Variants in CLIP1 observed in about 807,000 individuals in gnomAD.
The protein encoded by CLIP1 is CAP-Gly domain-containing linker protein 1.
In CLIP1, 66 loss-of-function variants were observed where a neutral mutation model predicts 161.6. The ratio of observed to expected loss-of-function variants is 0.41; its 90% CI spans 0.33 to 0.50. The LOEUF (loss-of-function observed/expected upper bound fraction) is 0.50. CLIP1 is among the 20% of genes least tolerant of loss of function. The probability of loss-of-function intolerance (pLI) is 0.27; values close to 1 mark genes in which losing one functional copy is unlikely to be tolerated. For missense variants in CLIP1, 1,376 were observed against 1,702.0 expected (o/e 0.81, Z 3.37); for synonymous variants, 598 against 626.2 (o/e 0.96, Z 0.67).
chr12:122,340,276 C>T (rs2136332672), intron 11 of CLIP1, among the ~76,000 whole-genome samples: 1 of 152,220 alleles, frequency 6.6e-6, no homozygotes, highest in South Asian at 2.1e-4. Flanking sequence ...GATGGGGTTT[C>T]ACTATGTTGG....
chr12:122,286,595 C>T (rs779422746), intron 21 of CLIP1, among the ~76,000 whole-genome samples: 4 of 147,370 alleles, frequency 2.7e-5, no homozygotes, highest in Non-Finnish European at 5.9e-5. Context: ...GTGAAACACA[C>T]GCGCATTCTG....
In CLIP1 at chr12:122,377,862, C is replaced by T. The variant is rs1954818721; in HGVS notation, c.184G>A (p.Glu62Lys). 6.2e-7 allele frequency: 1 copy of T among 1,613,842 alleles called. No individual in the cohort carries two copies. The highest frequency in any genetic ancestry group is 8.5e-7 in the Non-Finnish European group (1 of 1,180,006). The change falls in exon 3 of 26, where the codon GAG becomes AAG. Residue 62 changes from glutamate to lysine, a missense_variant. This residue lies in a region of CLIP1 where 27 missense variants were observed against 64.1 expected (regional missense o/e 0.42). Transcript: ENST00000620786. The part of the protein sequence containing the change: ...EEFVDDFRVG[E>K]RVWVNGNKPG... ...TTATTTCCATTCACCCAAACTCGCT[C>T]CCCAACTCGAAAGTCATCCACAAAT...
intron 1 of CLIP1, among the ~76,000 whole-genome samples, chr12:122,408,995 G>C (rs1466870796): frequency 2.0e-5 from 3 of 151,890 alleles, no homozygotes; most frequent in African/African-American, 7.2e-5. Flanking sequence ...TATTTTTGTA[G>C]AGACAGGGTT....
chr12:122,362,511 T>C (rs1953899680), intron 4 of CLIP1, among the ~76,000 whole-genome samples: 1 of 150,226 alleles, frequency 6.7e-6, no homozygotes, highest in Admixed American at 6.6e-5. Flanking sequence ...CGTGGTGGTG[T>C]GTGTCTGTAA....
chr12:122,325,140 C>A (rs1283068405), intron 17 of CLIP1, among the ~76,000 whole-genome samples: 1 of 151,472 alleles, frequency 6.6e-6, no homozygotes, highest in Non-Finnish European at 1.5e-5. Flanking sequence ...CTCACTGCAA[C>A]CTCCGCCTCT....
At chr12:122,328,467 GAAT>G in intron 15 of CLIP1, 41 bp from the exon 16 acceptor site, 1 of 1,291,696 alleles carries the variant, frequency 7.7e-7, no homozygotes. Flanking sequence ...TTTTTCATAA[GAAT>G]GTTTTAAATT....
Position 122,319,256 on chromosome 12 carries a change from T to C in CLIP1, c.3342A>G (p.Gln1114=). 4 of 1,612,972 alleles carry C rather than the reference T, an allele frequency of 2.5e-6. No homozygotes were observed. The highest frequency in any genetic ancestry group is 3.4e-6 in the Non-Finnish European group (4 of 1,178,852). Residue 1114 remains glutamine, a synonymous_variant, in exon 18 of 26, where the codon CAA becomes CAG. Coordinates refer to ENST00000620786, the MANE Select transcript of CLIP1 (RefSeq NM_001247997.2). ...ETLASLEDTK[Q]TNAKLQNELD... ...CTTCATTCTGTAGTTTTGCATTTGT[T>C]TGCTTGGTGTCCTCCAAGGAGGCCA...
intron 10 of CLIP1, among the ~76,000 whole-genome samples, chr12:122,344,879 G>C (rs1257424213): frequency 6.6e-6 from 1 of 152,092 alleles, no homozygotes; most frequent in Admixed American, 6.6e-5. Context: ...CTTAACACTT[G>C]GGAACCCAAG....
Position 122,384,426 on chromosome 12 carries a change from C to T in CLIP1, c.-106-3868G>A, listed in dbSNP as rs115413838. On this transcript the variant is annotated intron_variant, in intron 1 of 25. Transcript: ENST00000620786. ...GTCCAATCAGGAATAAAGAGAATGA[C>T]GATCTACAAGGTTAAGTGACCTTTC... Among the ~76,000 whole-genome samples the T allele has an allele frequency of 9.0e-4, 137 of 152,132 alleles. 1 individual carries two copies. Among genetic ancestry groups the T allele is most frequent in the Middle Eastern group, 3.4e-3 (1 of 294 alleles).
In CLIP1 at chr12:122,355,466, C is replaced by A; in HGVS notation, c.1006-154G>T. 1.6e-6 allele frequency: 1 copy of A among 628,304 alleles called. No individual in the cohort carries two copies. Among genetic ancestry groups the A allele is most frequent in the Non-Finnish European group, 2.8e-6 (1 of 354,128 alleles). The allele number at this position is 628,304 out of a possible 1,614,324, so 38.9% of individuals were successfully genotyped here. A position where few individuals can be genotyped will look rare whatever the true frequency, so the allele number is the denominator to read the frequency against. ...ATTAGGAAAGGCTTCCTCAAAAACA[C>A]AAGACAGTGTGTGCCTTCTGTCTAT... On this transcript the variant is annotated intron_variant, in intron 5 of 25. Transcript: ENST00000620786. The surrounding 1 kb of genome is among the most constrained non-coding windows in gnomAD (Gnocchi z 4.1).
chr12:122,380,567 A>C lies in CLIP1; in HGVS notation c.-106-9T>G, dbSNP rs1954970985. On this transcript the variant is annotated splice_polypyrimidine_tract_variant and intron_variant, in intron 1 of 25. Transcript: ENST00000620786. ...CAGTCTCTGGATTAAATCTGCAAAG[A>C]GAAAGAAATAAAAAGATTTTATAAT... The C allele has an allele frequency of 1.8e-6, 1 of 561,634 alleles. No homozygotes were observed. Among genetic ancestry groups the C allele is most frequent in the Non-Finnish European group, 3.1e-6 (1 of 321,600 alleles). The allele number at this position is 561,634 out of a possible 1,614,324, so 34.8% of individuals were successfully genotyped here.
At chr12:122,305,404 C>G (rs1950827365) in intron 20 of CLIP1, among the ~76,000 whole-genome samples, 2 of 152,114 alleles carry the variant, frequency 1.3e-5, no homozygotes, top group African/African-American at 4.8e-5. Flanking sequence ...GCTCTCCAGC[C>G]CAGGCTACAA....
chr12:122,290,867 A>AT (rs548642014), intron 20 of CLIP1, among the ~76,000 whole-genome samples: 20 of 141,998 alleles, frequency 1.4e-4, no homozygotes, highest in Admixed American at 4.2e-4. Flanking sequence ...TCTTTTTTTT[A>AT]TTTTTTTTTA....
At chr12:122,394,488 C>CAAAAAAA (rs66683857) in intron 1 of CLIP1, among the ~76,000 whole-genome samples, 1 of 57,992 alleles carries the variant, frequency 1.7e-5, no homozygotes, top group African/African-American at 7.8e-5. Flanking sequence ...GACGCTGTCT[C>CAAAAAAA]AAAAAAAAAA....
intron 19 of CLIP1, 82 bp downstream of exon 19, chr12:122,316,667 A>G: frequency 1.1e-6 from 1 of 874,796 alleles, no homozygotes; most frequent in Non-Finnish European, 1.7e-6. Flanking sequence ...CTTCTCAAAT[A>G]ATTTTTAAGT....
chr12:122,384,258 G>C (rs1955137185), intron 1 of CLIP1, among the ~76,000 whole-genome samples: 3 of 152,078 alleles, frequency 2.0e-5, no homozygotes, highest in Admixed American at 2.0e-4. Flanking sequence ...TTAGGAGATA[G>C]CACTCATCAA....
intron 20 of CLIP1, among the ~76,000 whole-genome samples, chr12:122,292,626 G>A (rs1472772936): frequency 6.6e-6 from 1 of 152,132 alleles, no homozygotes; most frequent in African/African-American, 2.4e-5. Context: ...GTGCTCATTG[G>A]TACTGGGTTT....
intron 4 of CLIP1, among the ~76,000 whole-genome samples, chr12:122,362,713 T>TAAAAA (rs34046739): frequency 9.5e-6 from 1 of 105,788 alleles, no homozygotes. Context: ...AAAAATATGA[T>TAAAAA]AAAAAAAAAA....
intron 19 of CLIP1, among the ~76,000 whole-genome samples, chr12:122,315,806 A>G (rs1951242709): frequency 6.6e-6 from 1 of 151,460 alleles, no homozygotes; most frequent in Admixed American, 6.6e-5. Context: ...ACGCCCGGCT[A>G]ATTTCTTTGT....
Sources: allele counts gnomAD v4.1 joint callset (sites outside exome capture counted in the v4.1 genomes callset), GRCh38; gene constraint gnomAD v4.1.1; regional missense constraint gnomAD v4.1.1; non-coding constraint Gnocchi (gnomAD v3.1); transcripts MANE v1.5; gene names NCBI Gene and HGNC (gene_info 2026-07-23, HGNC 2026-07-21).